The following OCA2 variants were observed in gnomAD, a reference collection of about 807,000 sequenced individuals.
OCA2 encodes P protein.
A neutral mutation model predicts 100.2 loss-of-function variants in OCA2; 77 were observed. The observed-to-expected ratio is 0.77, with a 90% confidence interval of 0.64 to 0.93. OCA2 has a LOEUF of 0.93. Among genes scored for constraint, OCA2 ranks in the 40% least tolerant of loss-of-function variants. The pLI, the probability that OCA2 is intolerant of heterozygous loss-of-function variation, is 0.00. For synonymous variants in OCA2, 432 were observed against 439.2 expected (o/e 0.98, Z 0.21); for missense variants, 1,062 against 1,089.1 (o/e 0.98, Z 0.35).
chr15:27,879,369 C>G (rs112505793), intron 19 of OCA2, among the ~76,000 whole-genome samples: 1 of 152,008 alleles, frequency 6.6e-6, no homozygotes, highest in African/African-American at 2.4e-5. Context: ...GGGTATATAC[C>G]CAGCAATGGA....
chr15:27,750,346 G>A (rs2150962070), downstream of OCA2, among the ~76,000 whole-genome samples: 1 of 152,282 alleles, frequency 6.6e-6, no homozygotes, highest in Middle Eastern at 3.4e-3. Context: ...ACATCCCAGA[G>A]GATAAAATAC....
chr15:27,745,535 C>G, the OCA2 span, among the ~76,000 whole-genome samples: 1 of 152,164 alleles, frequency 6.6e-6, no homozygotes, highest in Non-Finnish European at 1.5e-5. Context: ...CAAGTCCCAG[C>G]CTTATTTTCC....
At chr15:27,805,821 C>A (rs768673524) in intron 23 of OCA2, among the ~76,000 whole-genome samples, 1 of 152,072 alleles carries the variant, frequency 6.6e-6, no homozygotes, top group African/African-American at 2.4e-5. Flanking sequence ...GAGACCCAGG[C>A]GGCGGGAACA....
At chr15:28,046,816 G>C (rs1038261874) in intron 2 of OCA2, among the ~76,000 whole-genome samples, 6 of 152,196 alleles carry the variant, frequency 3.9e-5, no homozygotes, top group Admixed American at 6.5e-5. Context: ...TATAGAGGCT[G>C]TGCCTCTTCA....
At chr15:28,098,828 A>C (rs2045032521) in intron 1 of OCA2, among the ~76,000 whole-genome samples, 1 of 152,248 alleles carries the variant, frequency 6.6e-6, no homozygotes, top group East Asian at 1.9e-4. Flanking sequence ...ACTCCAGTGC[A>C]TTCCATTCTA....
intron 14 of OCA2, among the ~76,000 whole-genome samples, chr15:27,969,403 T>C (rs185645361): frequency 3.3e-5 from 5 of 152,268 alleles, no homozygotes; most frequent in African/African-American, 1.2e-4. Flanking sequence ...CAGTGTGCAG[T>C]GGGATGCAGA....
rs573483401 is a variant in OCA2, at chr15:28,097,269, C to T, written c.-22+1955G>A. On this transcript the variant is annotated intron_variant, in intron 1 of 23. Transcript: ENST00000354638. Reference sequence around the variant, plus strand: ...CTGCGCGGGTCCCGCGGGTGGCCGGCGCAAGAGCCACAGCCCGCGACAAGC... The same window carrying T: ...CTGCGCGGGTCCCGCGGGTGGCCGGTGCAAGAGCCACAGCCCGCGACAAGC... 3.3e-5 allele frequency among the ~76,000 whole-genome samples: 5 copies of T among 152,346 alleles called. No individual in the cohort carries two copies. In the South Asian group the frequency reaches 1.0e-3, roughly 32 times the overall value.
intron 23 of OCA2, chr15:27,775,647 C>T (rs895873209): frequency 6.6e-6 from 1 of 152,460 alleles, no homozygotes; most frequent in Admixed American, 6.5e-5. Context: ...TGACAAAGCA[C>T]TGCAGGCCAT....
chr15:27,876,594 T>C (rs932524877), intron 19 of OCA2, among the ~76,000 whole-genome samples: 2 of 152,008 alleles, frequency 1.3e-5, no homozygotes, highest in African/African-American at 4.8e-5. Context: ...TGTAAATAAT[T>C]TTAATTACTA....
chr15:28,074,592 T>C (rs2141831806), intron 2 of OCA2, among the ~76,000 whole-genome samples: 1 of 148,104 alleles, frequency 6.8e-6, no homozygotes, highest in Non-Finnish European at 1.5e-5. Flanking sequence ...GAGAATGGCG[T>C]GAACCCGGGA....
intron 19 of OCA2, among the ~76,000 whole-genome samples, chr15:27,924,843 T>C (rs534582518): frequency 4.1e-4 from 63 of 152,254 alleles, no homozygotes; most frequent in African/African-American, 1.3e-3. Flanking sequence ...TGGGGGTGGA[T>C]TGAATATTTC....
At chr15:28,071,954 A>T (rs2044273342) in intron 2 of OCA2, among the ~76,000 whole-genome samples, 1 of 152,242 alleles carries the variant, frequency 6.6e-6, no homozygotes, top group Admixed American at 6.5e-5. Context: ...AGCAAAATGA[A>T]CTATCAACAG....
intron 1 of OCA2, among the ~76,000 whole-genome samples, chr15:28,082,805 A>G (rs1394578513): frequency 1.3e-5 from 2 of 152,078 alleles, no homozygotes; most frequent in South Asian, 2.1e-4. Flanking sequence ...CATTTTTTGC[A>G]TTTAGCAAAT....
intron 14 of OCA2, among the ~76,000 whole-genome samples, chr15:27,975,282 A>G (rs1200153020): frequency 1.3e-5 from 2 of 152,194 alleles, no homozygotes; most frequent in African/African-American, 4.8e-5. Flanking sequence ...TATTGTCTTA[A>G]AAAGAAGAAA....
chr15:27,724,239 G>A, the OCA2 span, among the ~76,000 whole-genome samples: 2 of 152,168 alleles, frequency 1.3e-5, no homozygotes, highest in Non-Finnish European at 2.9e-5. Flanking sequence ...CACAATTCTG[G>A]AGGCTGGAAG....
chr15:27,736,524 A>G, the OCA2 span, among the ~76,000 whole-genome samples: 7 of 152,354 alleles, frequency 4.6e-5, no homozygotes, highest in Non-Finnish European at 7.3e-5. Context: ...CTAGAAAAAT[A>G]AAAACCAGGT....
In OCA2 at chr15:27,783,446, C is replaced by A. The variant is rs530606515; in HGVS notation, c.2433-27974G>T. ...ATTTTGTAATAAAAAAAAGTCCACA[C>A]AAACTGCAAATTAAAAACTTTTCTT... is the stretch of plus-strand genomic sequence containing the variant. On this transcript the variant is annotated intron_variant, in intron 23 of 23. Coordinates refer to ENST00000354638, the MANE Select transcript of OCA2 (RefSeq NM_000275.3). Among the ~76,000 whole-genome samples, 67 of 152,322 alleles carry A rather than the reference C, an allele frequency of 4.4e-4. No individual in the cohort carries two copies. In the Middle Eastern group the frequency reaches 0.01, roughly 23 times the overall value.
At chr15:28,063,123 A>T (rs1336362756) in intron 2 of OCA2, among the ~76,000 whole-genome samples, 1 of 152,168 alleles carries the variant, frequency 6.6e-6, no homozygotes, top group African/African-American at 2.4e-5. Flanking sequence ...AACAATAGTA[A>T]GTATATCTTC....
At chr15:27,744,704 G>C in the OCA2 span, among the ~76,000 whole-genome samples, 1 of 152,162 alleles carries the variant, frequency 6.6e-6, no homozygotes, top group Non-Finnish European at 1.5e-5. Flanking sequence ...TGATTGATTA[G>C]ATAACATTAA....
Sources: allele counts gnomAD v4.1 joint callset (sites outside exome capture counted in the v4.1 genomes callset), GRCh38; gene constraint gnomAD v4.1.1; transcripts MANE v1.5; gene names NCBI Gene and HGNC (gene_info 2026-07-23, HGNC 2026-07-21).